The following CTSZ variants were observed in gnomAD, a reference collection of about 807,000 sequenced individuals.
The protein encoded by CTSZ is cathepsin Z.
CTSZ carries 39 observed loss-of-function variants against 32.4 expected under a neutral mutation model. The ratio of observed to expected loss-of-function variants is 1.20; its 90% CI spans 0.93 to 1.57. The LOEUF is 1.57. Ranked by LOEUF, CTSZ falls within the 40% of genes most tolerant of loss-of-function variation. The probability of loss-of-function intolerance (pLI) is 0.00; values close to 1 mark genes in which losing one functional copy is unlikely to be tolerated. For missense variants in CTSZ, 397 were observed against 419.6 expected, an observed-to-expected ratio of 0.95 and a Z score of 0.47; for synonymous variants, 168 against 170.1, an observed-to-expected ratio of 0.99 and a Z score of 0.10.
At position 58,997,520 on chromosome 20, in the gene CTSZ, CTCCTCACCCGCGGGACCTT is replaced by C. The variant is rs1278796187; in HGVS notation, c.638+64_638+82del. On this transcript the variant is annotated intron_variant, in intron 4 of 5. Transcript: ENST00000217131. Reference sequence around the variant, plus strand: ...ACACTGGCGCTGTCACCGCGGATCTCTCCTCACCCGCGGGACCTTTCCTCACCCGCGGGACCTTTCCTCA... The same window carrying C: ...ACACTGGCGCTGTCACCGCGGATCTCTCCTCACCCGCGGGACCTTTCCTCA... 2.2e-4 allele frequency: 299 copies of C among 1,374,728 alleles called. 1 individual carries two copies. Among genetic ancestry groups the C allele is most frequent in the Middle Eastern group, 5.5e-4 (2 of 3,652 alleles). 85.2% of individuals were successfully genotyped at this position (1,374,728 alleles called of 1,614,324 possible).
At chr20:59,000,226 A>G (rs163789) in intron 3 of CTSZ, among the ~76,000 whole-genome samples, 121,923 of 151,928 alleles carry the variant, frequency 0.8, 49,065 homozygotes, top group East Asian at 0.87. Flanking sequence ...AAAAAATACA[A>G]AAGTAGCTGG....
intron 1 of CTSZ, 44 bp from the exon 2 acceptor site, chr20:59,006,529 G>A (rs753235038): frequency 7.7e-6 from 12 of 1,562,330 alleles, no homozygotes; most frequent in Admixed American, 7.1e-5. Flanking sequence ...TGGGGCTCCC[G>A]GGGGCCGTGG....
Position 58,995,495 on chromosome 20 carries a change from G to C in CTSZ, c.*154C>G, listed in dbSNP as rs2091853374. ...TAAGTCATCCCACTTTCAACTCTCA[G>C]GAACACTCGCAGCCAGTGCCACGCT... On this transcript the variant is annotated 3_prime_UTR_variant, in exon 6 of 6. Coordinates refer to ENST00000217131, the MANE Select transcript of CTSZ (RefSeq NM_001336.4). 1.6e-6 allele frequency: 1 copy of C among 627,100 alleles called. No individual in the cohort carries two copies. Among genetic ancestry groups the C allele is most frequent in the African/African-American group, 1.8e-5 (1 of 54,406 alleles). The allele number at this position is 627,100 out of a possible 1,614,324, so 38.8% of individuals were successfully genotyped here.
intron 3 of CTSZ, 91 bp from the exon 4 acceptor site, chr20:58,997,844 A>G (rs1490166896): frequency 8.2e-5 from 99 of 1,200,898 alleles, no homozygotes; most frequent in Non-Finnish European, 1.1e-4. Context: ...CACTCTCATC[A>G]TGCAGCCTAC....
At chr20:59,001,017 C>T (rs768483831) in intron 3 of CTSZ, among the ~76,000 whole-genome samples, 10 of 151,948 alleles carry the variant, frequency 6.6e-5, no homozygotes, top group African/African-American at 9.7e-5. Context: ...TTGGTAGGGA[C>T]GGGATTTCAC....
chr20:59,007,059 C>G lies in CTSZ; in HGVS notation c.70G>C (p.Gly24Arg), dbSNP rs1163152035. The stretch of plus-strand genomic sequence containing the variant: ...GTCTGTCCCCGGCGGAAGTAGAGGC[C>G]GCCCTGCGCCGCGCCCGCCAGCAGC... The part of the protein sequence containing the change: ...LVLLAGAAQG[G>R]LYFRRGQTCY... Residue 24 changes from glycine to arginine, a missense_variant, in exon 1 of 6, where the codon GGC becomes CGC. Gly to Arg is a moderately radical substitution (Grantham distance 125). Coordinates refer to ENST00000217131, the MANE Select transcript of CTSZ (RefSeq NM_001336.4). 1 of 1,464,874 alleles carries G rather than the reference C, an allele frequency of 6.8e-7. No homozygotes were observed. The highest frequency in any genetic ancestry group is 1.5e-5 in the African/African-American group (1 of 68,024). 90.7% of individuals were successfully genotyped at this position (1,464,874 alleles called of 1,614,324 possible). A position where few individuals can be genotyped will look rare whatever the true frequency, so the allele number is the denominator to read the frequency against.
chr20:58,998,528 A>G (rs2146361772), intron 3 of CTSZ, among the ~76,000 whole-genome samples: 2 of 146,064 alleles, frequency 1.4e-5, no homozygotes, highest in African/African-American at 5.1e-5. Flanking sequence ...CCTGAGCGAC[A>G]AGAGCGAGAC....
In CTSZ at chr20:58,998,808, G is replaced by A. The variant is rs949075595; in HGVS notation, c.488-1055C>T. On this transcript the variant is annotated intron_variant, in intron 3 of 5. Transcript: ENST00000217131. The stretch of plus-strand genomic sequence containing the variant: ...TCACTCCATCCACACGGCGGCCCTC[G>A]GCCTGCCATTCGCTGCTTTGGCGCG... 2.0e-5 allele frequency among the ~76,000 whole-genome samples: 3 copies of A among 152,170 alleles called. No individual in the cohort carries two copies. In the South Asian group the frequency reaches 6.2e-4, roughly 32 times the overall value.
At position 59,007,254 on chromosome 20, in the gene CTSZ, T is replaced by G. The variant is rs1225354622; in HGVS notation, c.-126A>C. The G allele has an allele frequency of 3.6e-5, 42 of 1,174,586 alleles. No individual in the cohort carries two copies. Among genetic ancestry groups the G allele is most frequent in the Non-Finnish European group, 4.5e-5 (42 of 934,526 alleles). The allele number at this position is 1,174,586 out of a possible 1,614,324, so 72.8% of individuals were successfully genotyped here. On this transcript the variant is annotated 5_prime_UTR_variant, in exon 1 of 6. Transcript: ENST00000217131. ...CCAGCACCCGGCCGACCCCGCACTT[T>G]GGGCCCCTGCCCCGCCCGGCCCTTA...
rs1284374289 is a variant in CTSZ, at chr20:59,004,353, G to C, written c.307+1969C>G. On this transcript the variant is annotated intron_variant, in intron 2 of 5. Transcript: ENST00000217131. The surrounding 1 kb of genome is among the most constrained non-coding windows in gnomAD (Gnocchi z 5.6). ...TGGGGAGAGGGGAAGGAGTGGCCAGGGAGGTGGAGGCGGGCAGTATGGTGC... is the reference window on the plus strand; with the variant it reads ...TGGGGAGAGGGGAAGGAGTGGCCAGCGAGGTGGAGGCGGGCAGTATGGTGC... 6.6e-6 allele frequency among the ~76,000 whole-genome samples: 1 copy of C among 152,122 alleles called. No individual in the cohort carries two copies. Among genetic ancestry groups the C allele is most frequent in the Admixed American group, 6.5e-5 (1 of 15,280 alleles).
intron 2 of CTSZ, among the ~76,000 whole-genome samples, chr20:59,005,092 T>G (rs2091903966): frequency 6.6e-6 from 1 of 151,926 alleles, no homozygotes; most frequent in Non-Finnish European, 1.5e-5. Flanking sequence ...TCCCCTAGAC[T>G]CTGCCCAGTC....
At chr20:58,997,556 C>A in intron 4 of CTSZ, 47 bp downstream of exon 4, 1 of 1,490,042 alleles carries the variant, frequency 6.7e-7, no homozygotes, top group South Asian at 1.4e-5. Flanking sequence ...CCCGCGGGAC[C>A]TTTCCTCACC....
Position 59,006,051 on chromosome 20 carries a change from C to A in CTSZ, c.307+271G>T, listed in dbSNP as rs536463566. The A allele has an allele frequency of 1.5e-4, 73 of 499,064 alleles. 1 individual carries two copies. The South Asian group carries it at 1.9e-3, about 13-fold the overall frequency. 30.9% of individuals were successfully genotyped at this position (499,064 alleles called of 1,614,324 possible). On this transcript the variant is annotated intron_variant, in intron 2 of 5. Transcript: ENST00000217131. ...CTGTTTCTATCCCAATGGCTGAGGT[C>A]ACAAGCTTTGGGGGAGAGAGGGCAC...
At position 59,006,441 on chromosome 20, in the gene CTSZ, G is replaced by C. The variant is rs1465965222; in HGVS notation, c.188C>G (p.Pro63Arg). 1.1e-5 allele frequency: 17 copies of C among 1,613,946 alleles called. No individual in the cohort carries two copies. Among genetic ancestry groups the C allele is most frequent in the Non-Finnish European group, 1.4e-5 (16 of 1,180,006 alleles). Residue 63 changes from proline (P) to arginine (R), a missense_variant, in exon 2 of 6, where the codon CCC (proline) becomes CGC (arginine). By Grantham distance (103) the Pro-to-Arg change is moderately radical (BLOSUM62 -2). Transcript: ENST00000217131. The stretch of plus-strand genomic sequence containing the variant: ...CACATTGCGCCAGTCCCAGCTCTTG[G>C]GCAGATCCGCTGGGGACAGGTACTC... Reference protein sequence around the residue: ...PHEYLSPADLPKSWDWRNVDG... With the variant: ...PHEYLSPADLRKSWDWRNVDG...
chr20:59,000,248 C>T (rs1481147619), intron 3 of CTSZ, among the ~76,000 whole-genome samples: 1 of 148,680 alleles, frequency 6.7e-6, no homozygotes, highest in Non-Finnish European at 1.5e-5. Context: ...CGTGGTGGCG[C>T]ATGCCTGTAA....
intron 3 of CTSZ, among the ~76,000 whole-genome samples, chr20:58,999,926 G>A (rs921519022): frequency 3.3e-5 from 5 of 152,190 alleles, no homozygotes; most frequent in South Asian, 2.1e-4. Flanking sequence ...AAAATTAGCC[G>A]GGCGCGGTGG....
rs1311229423 is a variant in CTSZ at position 59,004,064 on chromosome 20, T to C, written c.307+2258A>G. Among the ~76,000 whole-genome samples the C allele has an allele frequency of 6.6e-6, 1 of 151,926 alleles. No individual in the cohort carries two copies. The highest frequency in any genetic ancestry group is 3.2e-3 in the Middle Eastern group (1 of 316). ...AGAACCGACAAGACTTGTGGGTGGA[T>C]TATATGAGGGACAGAAAACAGAGGA... On this transcript the variant is annotated intron_variant, in intron 2 of 5. Coordinates refer to ENST00000217131, the MANE Select transcript of CTSZ (RefSeq NM_001336.4). This position sits in a 1 kb window ranked among gnomAD's most constrained non-coding sequence, Gnocchi z 5.6.
intron 4 of CTSZ, 74 bp downstream of exon 4, chr20:58,997,529 C>T: frequency 3.5e-6 from 5 of 1,421,532 alleles, no homozygotes; most frequent in Non-Finnish European, 4.7e-6. Flanking sequence ...TCTCCTCACC[C>T]GCGGGACCTT....
In CTSZ at chr20:59,007,052, TAGAGGCCGCCCTG is replaced by T; in HGVS notation, c.64_76del (p.Gln22ThrfsTer177). 1 of 1,469,568 alleles carries T rather than the reference TAGAGGCCGCCCTG, an allele frequency of 6.8e-7. No homozygotes were observed. Among genetic ancestry groups the T allele is most frequent in the Middle Eastern group, 2.4e-4 (1 of 4,212 alleles). 91.0% of individuals were successfully genotyped at this position (1,469,568 alleles called of 1,614,324 possible). ...GTAGCAGGTCTGTCCCCGGCGGAAG[TAGAGGCCGCCCTG>T]CGCCGCGCCCGCCAGCAGCACGAGC... is the stretch of plus-strand genomic sequence containing the variant. On this transcript the variant is annotated frameshift_variant, in exon 1 of 6. Coordinates refer to ENST00000217131, the MANE Select transcript of CTSZ (RefSeq NM_001336.4). LOFTEE classifies it high-confidence loss of function.
Sources: gnomAD v4.1 joint callset for allele counts (sites outside exome capture counted in the v4.1 genomes callset) on GRCh38, gnomAD v4.1.1 for gene constraint, Gnocchi (gnomAD v3.1) non-coding constraint, MANE v1.5 for transcripts, NCBI Gene and HGNC (gene_info 2026-07-23, HGNC 2026-07-21) for gene names.